LRRC59: variants seen among roughly 807,000 people sequenced by gnomAD.
LRRC59 encodes the protein leucine rich repeat containing 59, also known as leucine-rich repeat-containing protein 59.
Under a neutral mutation model 33.5 loss-of-function variants are expected in LRRC59, and 18 were observed. The observed-to-expected ratio is 0.54, with a 90% CI of 0.37 to 0.80. The LOEUF (loss-of-function observed/expected upper bound fraction) is 0.80, where lower values mean the gene tolerates loss of function less well. Among genes scored for constraint, LRRC59 ranks in the 30% least tolerant of loss-of-function variants. LRRC59 has a pLI of 0.00. For missense variants in LRRC59, 330 were observed against 391.9 expected, an observed-to-expected ratio of 0.84 and a Z score of 1.33; for synonymous variants, 138 against 160.0, an observed-to-expected ratio of 0.86 and a Z score of 1.04.
At position 50,397,396 on chromosome 17, in the gene LRRC59, G is replaced by T; in HGVS notation, c.-79C>A. Reference sequence around the variant, plus strand: ...CTGAAATGTCGCTTGTCAGTTCAGCGGCCCCCCACCCAAACGACGACGCCT... The same window carrying T: ...CTGAAATGTCGCTTGTCAGTTCAGCTGCCCCCCACCCAAACGACGACGCCT... On this transcript the variant is annotated 5_prime_UTR_variant, in exon 1 of 7. Coordinates refer to ENST00000225972, the MANE Select transcript of LRRC59 (RefSeq NM_018509.4). 8.8e-7 allele frequency: 1 copy of T among 1,130,618 alleles called. No homozygotes were observed. Among genetic ancestry groups the T allele is most frequent in the Non-Finnish European group, 1.2e-6 (1 of 805,446 alleles). 70.0% of individuals were successfully genotyped at this position (1,130,618 alleles called of 1,614,324 possible).
At chr17:50,388,355 A>G (rs773201702) in intron 4 of LRRC59, among the ~76,000 whole-genome samples, 4 of 152,204 alleles carry the variant, frequency 2.6e-5, no homozygotes, top group Admixed American at 6.5e-5. Flanking sequence ...CCTCGGCAAC[A>G]TAATGAGACC....
intron 2 of LRRC59, 22 bp downstream of exon 2, chr17:50,394,907 C>A: frequency 6.4e-7 from 1 of 1,573,810 alleles, no homozygotes; most frequent in Non-Finnish European, 8.7e-7. Context: ...CAGAAGGAGT[C>A]ACGGCTGCAT....
At position 50,381,242 on chromosome 17, in the gene LRRC59, C is replaced by A; in HGVS notation, c.*1746G>T. 3.0e-6 allele frequency: 1 copy of A among 329,640 alleles called. No individual in the cohort carries two copies. The highest frequency in any genetic ancestry group is 5.9e-5 in the South Asian group (1 of 17,048). The allele number at this position is 329,640 out of a possible 1,614,324, so 20.4% of individuals were successfully genotyped here. A position where few individuals can be genotyped will look rare whatever the true frequency, so the allele number is the denominator to read the frequency against. ...AACACAAAGGAACAAAGACAGTCCA[C>A]TCAGACACTTATTTAATAACTGTAG... On this transcript the variant is annotated 3_prime_UTR_variant, in exon 7 of 7. Transcript: ENST00000225972.
At chr17:50,393,507 C>A (rs1041871627) in intron 2 of LRRC59, among the ~76,000 whole-genome samples, 1 of 152,242 alleles carries the variant, frequency 6.6e-6, no homozygotes, top group African/African-American at 2.4e-5. Context: ...CAGCACCTAG[C>A]ACAGTACTTA....
chr17:50,383,522 T>C (rs547500059), intron 6 of LRRC59, among the ~76,000 whole-genome samples: 3 of 152,256 alleles, frequency 2.0e-5, no homozygotes, highest in Admixed American at 6.5e-5. Context: ...CCACGCCTCT[T>C]GGGATCGCAG....
rs1194856450 is a variant in LRRC59, at chr17:50,396,160, G to C, written c.105+1053C>G. ...TCACAAAGTCGTAAAAGTGAAGTTTGACCACCTAAAAAAGTTTTAAATACT... is the reference window on the plus strand; with the variant it reads ...TCACAAAGTCGTAAAAGTGAAGTTTCACCACCTAAAAAAGTTTTAAATACT... On this transcript the variant is annotated intron_variant, in intron 1 of 6. Transcript: ENST00000225972. The C allele has an allele frequency of 2.6e-5, 4 of 152,286 alleles. No homozygotes were observed. The South Asian group carries it at 6.2e-4, about 24-fold the overall frequency. 9.4% of individuals were successfully genotyped at this position (152,286 alleles called of 1,614,324 possible). A position where few individuals can be genotyped will look rare whatever the true frequency, so the allele number is the denominator to read the frequency against.
At position 50,392,435 on chromosome 17, in the gene LRRC59, C is replaced by G; in HGVS notation, c.392G>C (p.Cys131Ser). 1 of 1,614,184 alleles carries G rather than the reference C, an allele frequency of 6.2e-7. No individual in the cohort carries two copies. Among genetic ancestry groups the G allele is most frequent in the Non-Finnish European group, 8.5e-7 (1 of 1,180,030 alleles). Residue 131 changes from cysteine to serine, a missense_variant, in exon 4 of 7, where the codon TGC (cysteine) becomes TCC (serine). Cys to Ser is a moderately radical substitution (Grantham distance 112). Coordinates refer to ENST00000225972, the MANE Select transcript of LRRC59 (RefSeq NM_018509.4). ...CTGCTTACACTGCTTCTCATCCAAG[C>G]AGTCACCTGCCACCTTGGCCAGGAC... ...DPVLAKVAGD[C>S]LDEKQCKQCA...
In LRRC59 at chr17:50,382,356, C is replaced by CA. The variant is rs1328139200; in HGVS notation, c.*631dup. 6.6e-6 allele frequency: 1 copy of CA among 152,482 alleles called. No individual in the cohort carries two copies. Among genetic ancestry groups the CA allele is most frequent in the Non-Finnish European group, 1.5e-5 (1 of 68,268 alleles). The allele number at this position is 152,482 out of a possible 1,614,324, so 9.4% of individuals were successfully genotyped here. A position where few individuals can be genotyped will look rare whatever the true frequency, so the allele number is the denominator to read the frequency against. ...CCAGAGTGGGAATCCAGTTTTGCCT[C>CA]AAACTAGCTGGGAGACTAGGCAAGT... is the stretch of plus-strand genomic sequence containing the variant. On this transcript the variant is annotated 3_prime_UTR_variant, in exon 7 of 7. Coordinates refer to ENST00000225972, the MANE Select transcript of LRRC59 (RefSeq NM_018509.4).
intron 4 of LRRC59, among the ~76,000 whole-genome samples, chr17:50,389,437 G>A (rs1041090157): frequency 6.6e-6 from 1 of 152,126 alleles, no homozygotes; most frequent in Non-Finnish European, 1.5e-5. Context: ...TTTCTGAGCC[G>A]ATTTTCTGAT....
rs1331782688 is a variant in LRRC59, at chr17:50,397,272, C to T, written c.46G>A (p.Asp16Asn). The T allele has an allele frequency of 6.2e-7, 1 of 1,609,882 alleles. No individual in the cohort carries two copies. The highest frequency in any genetic ancestry group is 1.3e-5 in the African/African-American group (1 of 74,340). Residue 16 changes from aspartate (D) to asparagine (N), a missense_variant, in exon 1 of 7, where the codon GAC becomes AAC. Asp to Asn is a conservative substitution (Grantham distance 23, BLOSUM62 1). Coordinates refer to ENST00000225972, the MANE Select transcript of LRRC59 (RefSeq NM_018509.4). The stretch of plus-strand genomic sequence containing the variant: ...AGGCTCAGGTCCAGTTCGTTGCCGT[C>T]CAGCTTGTCGCGGAGGTTCCCGCCC... The part of the protein sequence containing the change: ...SKGGNLRDKL[D>N]GNELDLSLSD...
In LRRC59 at chr17:50,382,259, G is replaced by A. The variant is rs1012164494; in HGVS notation, c.*729C>T. 6.6e-6 allele frequency: 1 copy of A among 152,156 alleles called. No homozygotes were observed. Among genetic ancestry groups the A allele is most frequent in the African/African-American group, 2.4e-5 (1 of 41,420 alleles). The allele number at this position is 152,156 out of a possible 1,614,324, so 9.4% of individuals were successfully genotyped here. ...TCTATGCTTCACCTGAGGAATAATCGATTCTGGTGTGAGTTCTGGTCTCTC... is the reference window on the plus strand; with the variant it reads ...TCTATGCTTCACCTGAGGAATAATCAATTCTGGTGTGAGTTCTGGTCTCTC... On this transcript the variant is annotated 3_prime_UTR_variant, in exon 7 of 7. Coordinates refer to ENST00000225972, the MANE Select transcript of LRRC59 (RefSeq NM_018509.4).
At position 50,397,347 on chromosome 17, in the gene LRRC59, CG is replaced by C; in HGVS notation, c.-31del. On this transcript the variant is annotated 5_prime_UTR_variant, in exon 1 of 7. Transcript: ENST00000225972. ...ACGCCGGCTGAGCGGGCCCCGGCTCCGGGGTTCCGGCGGGTGAAAGGAGCTG... is the reference window on the plus strand; with the variant it reads ...ACGCCGGCTGAGCGGGCCCCGGCTCCGGGTTCCGGCGGGTGAAAGGAGCTG... 2.5e-6 allele frequency: 4 copies of C among 1,569,320 alleles called. No individual in the cohort carries two copies. The highest frequency in any genetic ancestry group is 3.5e-6 in the Non-Finnish European group (4 of 1,149,972).
chr17:50,391,183 A>G (rs1598369902), intron 4 of LRRC59, among the ~76,000 whole-genome samples: 2 of 152,022 alleles, frequency 1.3e-5, no homozygotes, highest in African/African-American at 4.8e-5. Flanking sequence ...AACAGACATC[A>G]CTCCTACAGC....
Position 50,397,361 on chromosome 17 carries a change from G to A in LRRC59, c.-44C>T. The A allele has an allele frequency of 2.0e-6, 3 of 1,497,808 alleles. No individual in the cohort carries two copies. The highest frequency in any genetic ancestry group is 2.7e-6 in the Non-Finnish European group (3 of 1,091,260). 92.8% of individuals were successfully genotyped at this position (1,497,808 alleles called of 1,614,324 possible). A position where few individuals can be genotyped will look rare whatever the true frequency, so the allele number is the denominator to read the frequency against. On this transcript the variant is annotated 5_prime_UTR_variant, in exon 1 of 7. Transcript: ENST00000225972. ...GGCCCCGGCTCCGGGGTTCCGGCGG[G>A]TGAAAGGAGCTGAAATGTCGCTTGT...
intron 5 of LRRC59, 115 bp downstream of exon 5, chr17:50,387,945 C>T: frequency 4.1e-6 from 4 of 974,786 alleles, no homozygotes; most frequent in South Asian, 1.3e-5. Context: ...TGTCCCCCCA[C>T]CGCCCACTAA....
At chr17:50,388,926 C>A (rs763637667) in intron 4 of LRRC59, among the ~76,000 whole-genome samples, 1 of 152,288 alleles carries the variant, frequency 6.6e-6, no homozygotes, top group East Asian at 1.9e-4. Flanking sequence ...TGGCAGGAAC[C>A]GCTGTCTGGT....
intron 4 of LRRC59, among the ~76,000 whole-genome samples, chr17:50,389,942 A>G (rs2143365002): frequency 6.6e-6 from 1 of 152,104 alleles, no homozygotes; most frequent in East Asian, 1.9e-4. Flanking sequence ...ACTAAAAAAT[A>G]CAAAAATTAG....
At chr17:50,395,014 A>G (rs763868132) in intron 1 of LRRC59, 26 bp from the exon 2 acceptor site, 1 of 1,526,386 alleles carries the variant, frequency 6.6e-7, no homozygotes, top group Admixed American at 1.7e-5. Context: ...TGAGAAAAAC[A>G]TGTCAGACCA....
rs1427757899 is a variant in LRRC59 at position 50,392,765 on chromosome 17, A to C, written c.298T>G (p.Leu100Val). 1.2e-6 allele frequency: 2 copies of C among 1,614,072 alleles called. No individual in the cohort carries two copies. The highest frequency in any genetic ancestry group is 1.7e-6 in the Non-Finnish European group (2 of 1,180,020). ...TTGAGCTGAGCAAAGCTGACAGGCA[A>C]GGTGACCAGCTTGTTGTTGAGGAGA... is the stretch of plus-strand genomic sequence containing the variant. ...LDLLNNKLVT[L>V]PVSFAQLKNL... The change falls in exon 3 of 7, where the codon TTG (leucine) becomes GTG (valine). Residue 100 changes from leucine to valine, a missense_variant. Transcript: ENST00000225972.
Sources: gnomAD v4.1 joint callset for allele counts (sites outside exome capture counted in the v4.1 genomes callset) on GRCh38, gnomAD v4.1.1 for gene constraint, MANE v1.5 for transcripts, NCBI Gene and HGNC (gene_info 2026-07-23, HGNC 2026-07-21) for gene names.